Variants in CTSD observed in about 807,000 individuals in gnomAD.
CTSD encodes the protein ceroid-lipofuscinosis, neuronal 10.
Under a neutral mutation model 43.6 loss-of-function variants are expected in CTSD, and 28 were observed. The observed-to-expected ratio is 0.64, with a 90% confidence interval of 0.48 to 0.88. The LOEUF (loss-of-function observed/expected upper bound fraction) is 0.88. CTSD is among the 40% of genes least tolerant of loss of function. The pLI, the probability that CTSD is intolerant of heterozygous loss-of-function variation, is 0.00. For missense variants in CTSD, 485 were observed against 555.2 expected, an observed-to-expected ratio of 0.87 and a Z score of 1.27; for synonymous variants, 270 against 249.8, an observed-to-expected ratio of 1.08 and a Z score of -0.76.
intron 5 of CTSD, 29 bp from the exon 6 acceptor site, chr11:1,755,057 C>T (rs749857866): frequency 6.2e-7 from 1 of 1,613,156 alleles, no homozygotes; most frequent in Non-Finnish European, 8.5e-7. Flanking sequence ...AGTCAGCTGC[C>T]ACGCCACCCC....
chr11:1,760,226 T>G (rs546097475), intron 2 of CTSD: 1 of 153,166 alleles, frequency 6.5e-6, no homozygotes, highest in African/African-American at 2.4e-5. Context: ...CAACCCTGCC[T>G]TAATGGCCCA....
chr11:1,756,678 A>G (rs1845813583), intron 5 of CTSD, among the ~76,000 whole-genome samples: 1 of 151,640 alleles, frequency 6.6e-6, no homozygotes, highest in Admixed American at 6.6e-5. Flanking sequence ...AGAGGAAACT[A>G]ACTGAGTCCG....
rs756892066 is a variant in CTSD, at chr11:1,761,353, C to T, written c.184G>A (p.Val62Met). 32 of 1,613,740 alleles carry T rather than the reference C, an allele frequency of 2.0e-5. No individual in the cohort carries two copies. Among genetic ancestry groups the T allele is most frequent in the African/African-American group, 4.0e-5 (3 of 74,940 alleles). Residue 62 changes from valine (V) to methionine (M), a missense_variant, in exon 2 of 9, where the codon GTG becomes ATG. Coordinates refer to ENST00000236671, the MANE Select transcript of CTSD (RefSeq NM_001909.5). The stretch of plus-strand genomic sequence containing the variant: ...ACCTCGGGAATGGGCCCCTCGGTCA[C>T]GGCTGGCACCGCCTGGGAGTACTTT... ...VSKYSQAVPA[V>M]TEGPIPEVLK...
At position 1,757,191 on chromosome 11, in the gene CTSD, G is replaced by GAGGTCAC. The variant is rs770491386; in HGVS notation, c.704+132_704+133insGTGACCT. 5.8e-4 allele frequency: 457 copies of GAGGTCAC among 788,526 alleles called. 4 individuals are homozygous for GAGGTCAC. In the Middle Eastern group the frequency reaches 0.013, roughly 22 times the overall value. 48.8% of individuals were successfully genotyped at this position (788,526 alleles called of 1,614,324 possible). ...CCAACCCCCGCCTCCCGGATGCCCT[G>GAGGTCAC]AGGTCAGAGGTCAGGAGCTCTGGCA... On this transcript the variant is annotated intron_variant, in intron 5 of 8. Coordinates refer to ENST00000236671, the MANE Select transcript of CTSD (RefSeq NM_001909.5).
intron 1 of CTSD, 147 bp from the exon 2 acceptor site, chr11:1,761,615 C>T: frequency 1.2e-6 from 1 of 850,342 alleles, no homozygotes. Context: ...CTGGAAACTG[C>T]TGGCCCAGCT....
At chr11:1,756,769 C>T (rs1041331020) in intron 5 of CTSD, among the ~76,000 whole-genome samples, 1 of 152,174 alleles carries the variant, frequency 6.6e-6, no homozygotes, top group Non-Finnish European at 1.5e-5. Flanking sequence ...GGGGGAGAAC[C>T]CTTTTCCCAG....
chr11:1,756,131 G>T (rs998922468), intron 5 of CTSD, among the ~76,000 whole-genome samples: 3 of 150,816 alleles, frequency 2.0e-5, no homozygotes, highest in African/African-American at 7.3e-5. Context: ...CCCCACATGG[G>T]CACTCATGCT....
At chr11:1,758,341 C>A (rs928701193) in intron 4 of CTSD, among the ~76,000 whole-genome samples, 9 of 152,146 alleles carry the variant, frequency 5.9e-5, no homozygotes, top group Non-Finnish European at 1.3e-4. Context: ...AACTCCTGAA[C>A]CCCTTGTGGC....
chr11:1,754,521 T>TGGAGGGAG (rs1845778810), intron 6 of CTSD, among the ~76,000 whole-genome samples: 1 of 22,134 alleles, frequency 4.5e-5, no homozygotes, highest in African/African-American at 1.6e-4. Context: ...GATGGAGGGA[T>TGGAGGGAG]GGAGGGGATG....
chr11:1,757,745 G>T (rs187416477), intron 4 of CTSD, among the ~76,000 whole-genome samples, 189 bp from the exon 5 acceptor site: 1 of 152,214 alleles, frequency 6.6e-6, no homozygotes, highest in Non-Finnish European at 1.5e-5. Context: ...GGTATGGCGG[G>T]GCCCTCTTCG....
At chr11:1,755,978 G>A (rs111683616) in intron 5 of CTSD, among the ~76,000 whole-genome samples, 9,367 of 152,076 alleles carry the variant, frequency 0.062, 947 homozygotes, top group African/African-American at 0.21. Context: ...TGCCCAAGCT[G>A]CTGCCTTGAG....
chr11:1,759,065 G>A lies in CTSD; in HGVS notation c.375C>T (p.Ser125=), dbSNP rs987735225. 14 of 1,613,854 alleles carry A rather than the reference G, an allele frequency of 8.7e-6. No homozygotes were observed. The highest frequency in any genetic ancestry group is 2.7e-5 in the African/African-American group (2 of 74,926). ...TCTTCACGTAGGTGCTGGACTTGTCGCTGTTGTACTTGTGGTGGATCCCTG... is the reference window on the plus strand; with the variant it reads ...TCTTCACGTAGGTGCTGGACTTGTCACTGTTGTACTTGTGGTGGATCCCTG... ...IACWIHHKYN[S]DKSSTYVKNG... The change falls in exon 4 of 9, where the codon AGC becomes AGT. Residue 125 remains serine (S), a synonymous_variant. Transcript: ENST00000236671.
At chr11:1,761,215 T>C in intron 2 of CTSD, 94 bp downstream of exon 2, 1 of 1,446,474 alleles carries the variant, frequency 6.9e-7, no homozygotes, top group Non-Finnish European at 9.7e-7. Flanking sequence ...CAAACTGCGC[T>C]GCTGAGAACA....
At chr11:1,754,452 T>TGG (rs1845775448) in intron 6 of CTSD, among the ~76,000 whole-genome samples, 1 of 78,052 alleles carries the variant, frequency 1.3e-5, no homozygotes, top group Non-Finnish European at 2.6e-5. Flanking sequence ...GATGGAGGGA[T>TGG]AGACAGATGG....
chr11:1,754,021 G>T lies in CTSD; in HGVS notation c.945C>A (p.Ile315=). 1 of 1,391,882 alleles carries T rather than the reference G, an allele frequency of 7.2e-7. No individual in the cohort carries two copies. The allele number at this position is 1,391,882 out of a possible 1,614,324, so 86.2% of individuals were successfully genotyped here. A position where few individuals can be genotyped will look rare whatever the true frequency, so the allele number is the denominator to read the frequency against. ...VDEVRELQKA[I]GAVPLIQGEY... is the part of the protein sequence containing the mutation. Reference sequence around the variant, plus strand: ...CGCCCTGAATCAGCGGCACGGCCCCGATGGCCTTCTGCAGCTCGCGCACCT... The same window carrying T: ...CGCCCTGAATCAGCGGCACGGCCCCTATGGCCTTCTGCAGCTCGCGCACCT... The change falls in exon 7 of 9, where the codon ATC becomes ATA. Residue 315 remains isoleucine (I), a synonymous_variant. Transcript: ENST00000236671.
At chr11:1,761,574 C>T (rs954354778) in intron 1 of CTSD, 106 bp from the exon 2 acceptor site, 2 of 1,314,544 alleles carry the variant, frequency 1.5e-6, no homozygotes, top group African/African-American at 1.5e-5. Flanking sequence ...CTCAGAGTCG[C>T]CACAGCCAAA....
At chr11:1,758,122 C>T (rs560126895) in intron 4 of CTSD, 15 of 194,386 alleles carry the variant, frequency 7.7e-5, no homozygotes, top group South Asian at 1.7e-4. Context: ...AGAGGGCAGA[C>T]GGGGCAATTT....
chr11:1,759,735 A>C, intron 2 of CTSD, 96 bp from the exon 3 acceptor site: 3 of 1,320,754 alleles, frequency 2.3e-6, no homozygotes, highest in Non-Finnish European at 3.1e-6. Flanking sequence ...CAAGGCCCAT[A>C]CTGGAGGGAG....
At chr11:1,757,283 C>T (rs1173993102) in intron 5 of CTSD, 41 bp downstream of exon 5, 1 of 1,550,978 alleles carries the variant, frequency 6.4e-7, no homozygotes, top group Non-Finnish European at 8.9e-7. Context: ...CCCCGCCCTG[C>T]CTCCCAGCAA....
Sources: gnomAD v4.1 joint callset for allele counts (sites outside exome capture counted in the v4.1 genomes callset) on GRCh38, gnomAD v4.1.1 for gene constraint, MANE v1.5 for transcripts, NCBI Gene and HGNC (gene_info 2026-07-23, HGNC 2026-07-21) for gene names.